GRM7: variants seen among roughly 807,000 people sequenced by gnomAD.
GRM7 encodes the protein metabotropic glutamate receptor 7.
GRM7 carries 35 observed loss-of-function variants against 84.5 expected under a neutral mutation model. The ratio of observed to expected loss-of-function variants is 0.41; its 90% CI spans 0.32 to 0.55. GRM7 has a LOEUF of 0.55. Among genes scored for constraint, GRM7 ranks in the 20% least tolerant of loss-of-function variants. GRM7 has a pLI of 0.19. For missense variants in GRM7, 1,003 were observed against 1,194.6 expected (o/e 0.84, Z 2.36); for synonymous variants, 487 against 455.1 (o/e 1.07, Z -0.89).
At chr3:6,970,072 G>A (rs995892397) in intron 1 of GRM7, among the ~76,000 whole-genome samples, 2 of 152,140 alleles carry the variant, frequency 1.3e-5, no homozygotes, top group East Asian at 1.9e-4. Flanking sequence ...GGGCCAGAGG[G>A]TACATCTTTT....
At chr3:7,729,957 C>A (rs1464377568) in intron 9 of GRM7, among the ~76,000 whole-genome samples, 4 of 148,988 alleles carry the variant, frequency 2.7e-5, no homozygotes, top group Non-Finnish European at 5.9e-5. Context: ...TCACTGAAAC[C>A]TCCACCTCCT....
chr3:7,292,585 A>T (rs762972091), intron 2 of GRM7, among the ~76,000 whole-genome samples: 4 of 152,136 alleles, frequency 2.6e-5, no homozygotes, highest in Non-Finnish European at 4.4e-5. Flanking sequence ...GACAGAACTC[A>T]TGAGACCCAG....
At chr3:7,020,168 A>G (rs1012785752) in intron 1 of GRM7, among the ~76,000 whole-genome samples, 1 of 152,212 alleles carries the variant, frequency 6.6e-6, no homozygotes, top group African/African-American at 2.4e-5. Flanking sequence ...TTCTCTAAAA[A>G]ATGTGCAAAT....
intron 7 of GRM7, among the ~76,000 whole-genome samples, chr3:7,479,491 G>C (rs1050578705): frequency 6.6e-6 from 1 of 152,114 alleles, no homozygotes; most frequent in African/African-American, 2.4e-5. Flanking sequence ...ACCTGCTACA[G>C]ATACTTCCCT....
At position 7,208,957 on chromosome 3, in the gene GRM7, C is replaced by T. The variant is rs552647303; in HGVS notation, c.736+62289C>T. ...GTCTGTGCAGATGCTCCTTGACTTA[C>T]GATGGGATTATGTCCTGATAAAACC... On this transcript the variant is annotated intron_variant, in intron 2 of 9. Transcript: ENST00000357716. Among the ~76,000 whole-genome samples, 5 of 152,240 alleles carry T rather than the reference C, an allele frequency of 3.3e-5. No homozygotes were observed. The South Asian group carries it at 6.2e-4, about 19-fold the overall frequency.
At chr3:7,295,707 G>T (rs369071542) in intron 2 of GRM7, among the ~76,000 whole-genome samples, 32 of 151,974 alleles carry the variant, frequency 2.1e-4, no homozygotes, top group African/African-American at 7.0e-4. Flanking sequence ...ATTAAATGGC[G>T]TTGTGTTTCA....
intron 2 of GRM7, among the ~76,000 whole-genome samples, chr3:7,175,220 T>G (rs1243233605): frequency 5.3e-5 from 8 of 152,242 alleles, no homozygotes; most frequent in African/African-American, 1.9e-4. Context: ...GACAGCTCTC[T>G]GCAATGCAGC....
In GRM7 at chr3:7,718,011, C is replaced by T. The variant is rs562823291; in HGVS notation, c.2699-22346C>T. On this transcript the variant is annotated intron_variant, in intron 9 of 9. Transcript: ENST00000357716. ...TGATGCGGACTAGCAAGAGTGACATCGCCTATTAAAAGAAGAGGTTTGCAG... is the reference window on the plus strand; with the variant it reads ...TGATGCGGACTAGCAAGAGTGACATTGCCTATTAAAAGAAGAGGTTTGCAG... Among the ~76,000 whole-genome samples, 32 of 151,726 alleles carry T rather than the reference C, an allele frequency of 2.1e-4. 2 individuals are homozygous for T. In the South Asian group the frequency reaches 5.2e-3, roughly 25 times the overall value.
chr3:7,186,097 A>G (rs1695503722), intron 2 of GRM7, among the ~76,000 whole-genome samples: 2 of 152,226 alleles, frequency 1.3e-5, no homozygotes, highest in Admixed American at 1.3e-4. Flanking sequence ...TCATCAGCAG[A>G]CAAAGCCTAC....
chr3:7,195,797 A>T (rs1301135779), intron 2 of GRM7, among the ~76,000 whole-genome samples: 5 of 152,164 alleles, frequency 3.3e-5, no homozygotes, highest in African/African-American at 9.7e-5. Flanking sequence ...AAAATATAAG[A>T]ACTAAATACA....
intron 4 of GRM7, among the ~76,000 whole-genome samples, chr3:7,361,966 A>C (rs984631397): frequency 1.6e-4 from 24 of 152,136 alleles, no homozygotes; most frequent in Non-Finnish European, 3.2e-4. Flanking sequence ...TGCCGATTCT[A>C]AAGGATAAGA....
At chr3:6,915,579 C>A (rs1470792830) in intron 1 of GRM7, among the ~76,000 whole-genome samples, 1 of 152,158 alleles carries the variant, frequency 6.6e-6, no homozygotes, top group East Asian at 1.9e-4. Context: ...ACCAATGAAC[C>A]TGCATGTTAC....
chr3:7,277,120 C>T (rs1012909570), intron 2 of GRM7, among the ~76,000 whole-genome samples: 1 of 152,002 alleles, frequency 6.6e-6, no homozygotes, highest in East Asian at 2.0e-4. Context: ...TTTGGAGATA[C>T]GTGGGAACTC....
chr3:6,942,202 T>C (rs990274335), intron 1 of GRM7, among the ~76,000 whole-genome samples: 9 of 152,138 alleles, frequency 5.9e-5, no homozygotes, highest in Non-Finnish European at 1.2e-4. Flanking sequence ...ATTTTGTTTT[T>C]GTAAAGTGGC....
intron 8 of GRM7, among the ~76,000 whole-genome samples, chr3:7,657,351 T>C (rs940054537): frequency 7.2e-5 from 11 of 152,220 alleles, no homozygotes; most frequent in Admixed American, 2.6e-4. Flanking sequence ...AAGGAAATTG[T>C]ATTATCAGAT....
chr3:7,674,616 TA>T (rs1294138473), intron 8 of GRM7, among the ~76,000 whole-genome samples: 4 of 152,244 alleles, frequency 2.6e-5, no homozygotes, highest in African/African-American at 4.8e-5. Context: ...TAAGGAAACT[TA>T]AAAATGGCTC....
chr3:7,551,423 A>T (rs527633326), intron 7 of GRM7, among the ~76,000 whole-genome samples: 1 of 152,110 alleles, frequency 6.6e-6, no homozygotes, highest in African/African-American at 2.4e-5. Context: ...GGCTATTGCT[A>T]TTCCTGTGAG....
In GRM7 at chr3:7,263,462, G is replaced by A. The variant is rs565934607; in HGVS notation, c.737-35222G>A. ...GGGTGCACCCTCATTGGCTGTGACA[G>A]GGTGCTAGCAGGTGATGTGGTGCCA... is the stretch of plus-strand genomic sequence containing the variant. On this transcript the variant is annotated intron_variant, in intron 2 of 9. Coordinates refer to ENST00000357716, the MANE Select transcript of GRM7 (RefSeq NM_000844.4). Among the ~76,000 whole-genome samples, 11 of 152,288 alleles carry A rather than the reference G, an allele frequency of 7.2e-5. No individual in the cohort carries two copies. In the South Asian group the frequency reaches 1.4e-3, roughly 20 times the overall value.
intron 1 of GRM7, among the ~76,000 whole-genome samples, chr3:6,982,407 A>T (rs1052899294): frequency 6.6e-6 from 1 of 152,218 alleles, no homozygotes; most frequent in African/African-American, 2.4e-5. Flanking sequence ...CATTTTGATC[A>T]GTCATAATAC....
Sources: gnomAD v4.1 joint callset for allele counts (sites outside exome capture counted in the v4.1 genomes callset) on GRCh38, gnomAD v4.1.1 for gene constraint, MANE v1.5 for transcripts, NCBI Gene and HGNC (gene_info 2026-07-23, HGNC 2026-07-21) for gene names.